Variants in GNE observed in about 807,000 individuals in gnomAD.
The protein encoded by GNE is bifunctional UDP-N-acetylglucosamine 2-epimerase/N-acetylmannosamine kinase.
Under a neutral mutation model 61.8 loss-of-function variants are expected in GNE, and 41 were observed. That is an observed-to-expected ratio of 0.66 (90% CI 0.52 to 0.86). GNE has a LOEUF of 0.86. GNE is among the 40% of genes least tolerant of loss of function. GNE has a pLI of 0.00. For missense variants in GNE, 608 were observed against 909.1 expected (o/e 0.67, Z 4.26); for synonymous variants, 264 against 326.4 (o/e 0.81, Z 2.06).
At chr9:36,252,313 A>C (rs893197710) in intron 1 of GNE, among the ~76,000 whole-genome samples, 1 of 152,178 alleles carries the variant, frequency 6.6e-6, no homozygotes, top group African/African-American at 2.4e-5. Flanking sequence ...AGAGACAAAA[A>C]TATTCTTCCA....
intron 1 of GNE, among the ~76,000 whole-genome samples, chr9:36,268,432 G>A (rs1451618235): frequency 6.6e-6 from 1 of 152,150 alleles, no homozygotes; most frequent in Non-Finnish European, 1.5e-5. Flanking sequence ...TTAGGAGGCT[G>A]AGTCGGGTGG....
chr9:36,270,437 C>T (rs1167538313), intron 1 of GNE, among the ~76,000 whole-genome samples: 1 of 151,828 alleles, frequency 6.6e-6, no homozygotes, highest in Non-Finnish European at 1.5e-5. Context: ...CATCAAAGCC[C>T]ACTATTAACC....
In GNE at chr9:36,246,224, G is replaced by A. The variant is rs1483891411; in HGVS notation, c.423C>T (p.Thr141=). ...LHIEGGEVSG[T]IDDSIRHAIT... ...TGGCATGTCTGATAGAGTCATCAATGGTCCCACTGACTTCCCCACCTTCAA... is the reference window on the plus strand; with the variant it reads ...TGGCATGTCTGATAGAGTCATCAATAGTCCCACTGACTTCCCCACCTTCAA... Residue 141 remains threonine, a synonymous_variant, in exon 3 of 12, where the codon ACC becomes ACT. Transcript: ENST00000642385. 6.2e-7 allele frequency: 1 copy of A among 1,614,172 alleles called. No individual in the cohort carries two copies. The highest frequency in any genetic ancestry group is 1.1e-5 in the South Asian group (1 of 91,082).
At chr9:36,228,545 C>A (rs988028384) in intron 6 of GNE, among the ~76,000 whole-genome samples, 2 of 151,996 alleles carry the variant, frequency 1.3e-5, no homozygotes, top group Non-Finnish European at 2.9e-5. Flanking sequence ...GTAATCCCAG[C>A]GCTTTGGGAG....
At chr9:36,255,058 C>T (rs1001162144) in intron 1 of GNE, among the ~76,000 whole-genome samples, 6 of 152,176 alleles carry the variant, frequency 3.9e-5, no homozygotes, top group African/African-American at 1.4e-4. Context: ...TCAGTTTACT[C>T]ATATGGCCAG....
Position 36,217,349 on chromosome 9 carries a change from G to T in GNE, c.*16C>A. ...CAGGAGCTCTGGAGAGAAGGTCCATGTCTGTTCCTGGAGGTCTAGTAGATC... is the reference window on the plus strand; with the variant it reads ...CAGGAGCTCTGGAGAGAAGGTCCATTTCTGTTCCTGGAGGTCTAGTAGATC... On this transcript the variant is annotated 3_prime_UTR_variant, in exon 12 of 12. Coordinates refer to ENST00000642385, the MANE Select transcript of GNE (RefSeq NM_005476.7). 6.5e-7 allele frequency: 1 copy of T among 1,535,484 alleles called. No homozygotes were observed. The highest frequency in any genetic ancestry group is 9.0e-7 in the Non-Finnish European group (1 of 1,109,380).
intron 1 of GNE, among the ~76,000 whole-genome samples, chr9:36,271,212 A>G (rs1831017394): frequency 6.6e-6 from 1 of 152,148 alleles, no homozygotes; most frequent in African/African-American, 2.4e-5. Context: ...CTACCTTTGT[A>G]TCATTCCTCA....
rs547460309 is a variant in GNE, at chr9:36,269,850, C to T, written c.51+7044G>A. Among the ~76,000 whole-genome samples the T allele has an allele frequency of 1.7e-3, 252 of 152,068 alleles. 1 individual carries two copies. The highest frequency in any genetic ancestry group is 5.5e-3 in the African/African-American group (230 of 41,510). On this transcript the variant is annotated intron_variant, in intron 1 of 11. Transcript: ENST00000396594. ...CTAATTTTTGTATTTTTAGTAGAGA[C>T]GGGGTTTCACCATATTGGCCAGGCT...
chr9:36,241,811 T>C, intron 3 of GNE, among the ~76,000 whole-genome samples: 1 of 152,100 alleles, frequency 6.6e-6, no homozygotes, highest in East Asian at 1.9e-4. Flanking sequence ...CCCAACCCTA[T>C]CTTCCTGTAA....
At position 36,222,812 on chromosome 9, in the gene GNE, C is replaced by G. The variant is rs201808007; in HGVS notation, c.1598G>C (p.Gly533Ala). Residue 533 changes from glycine (G) to alanine (A), a missense_variant, in exon 9 of 12, where the codon GGA (glycine) becomes GCA (alanine). Gly to Ala is a moderately conservative substitution (Grantham distance 60, BLOSUM62 0). Transcript: ENST00000642385. ...GATAAGTGTAACAAAGTTTTCCAGT[C>G]CCTTTCCTTGGCCAAATTTCCTTTC... Reference protein sequence around the residue: ...LAERKFGQGKGLENFVTLITG... With the variant: ...LAERKFGQGKALENFVTLITG... 6.2e-7 allele frequency: 1 copy of G among 1,614,122 alleles called. No homozygotes were observed. The highest frequency in any genetic ancestry group is 1.1e-5 in the South Asian group (1 of 91,084).
At position 36,254,252 on chromosome 9, in the gene GNE, C is replaced by T. The variant is rs141897950; in HGVS notation, c.-43+4069G>A. On this transcript the variant is annotated intron_variant, in intron 1 of 11. Coordinates refer to ENST00000642385, the MANE Select transcript of GNE (RefSeq NM_005476.7). ...AATAAAAACAAGAAATCTGGCTGGA[C>T]ATGGTGGCTCATGCCTGTAATCCCA... 2.0e-3 allele frequency among the ~76,000 whole-genome samples: 298 copies of T among 150,262 alleles called. 1 individual carries two copies. The highest frequency in any genetic ancestry group is 6.9e-3 in the African/African-American group (277 of 40,286).
At chr9:36,231,476 G>C (rs190083852) in intron 5 of GNE, among the ~76,000 whole-genome samples, 3 of 152,188 alleles carry the variant, frequency 2.0e-5, no homozygotes, top group Admixed American at 2.0e-4. Flanking sequence ...AAACAAAAAA[G>C]ACTATATTCT....
At chr9:36,232,080 C>A (rs1829180889) in intron 5 of GNE, among the ~76,000 whole-genome samples, 1 of 152,146 alleles carries the variant, frequency 6.6e-6, no homozygotes, top group South Asian at 2.1e-4. Flanking sequence ...TTCTCCAATT[C>A]TTCATAATTG....
In GNE at chr9:36,220,033, A is replaced by G. The variant is rs375600956; in HGVS notation, c.1634-13T>C. ...CCACCACCGATTCCTACAGCGAGGG[A>G]TAGAAATCACTGAGGGTGCTTTACC... On this transcript the variant is annotated splice_polypyrimidine_tract_variant and intron_variant, in intron 9 of 11. Coordinates refer to ENST00000642385, the MANE Select transcript of GNE (RefSeq NM_005476.7). The G allele has an allele frequency of 2.4e-5, 38 of 1,610,272 alleles. No individual in the cohort carries two copies. The highest frequency in any genetic ancestry group is 5.3e-5 in the African/African-American group (4 of 74,844).
chr9:36,230,223 G>A (rs1829078091), intron 5 of GNE, among the ~76,000 whole-genome samples: 2 of 152,176 alleles, frequency 1.3e-5, no homozygotes, highest in South Asian at 2.1e-4. Context: ...GATTACAGGC[G>A]TGAGCCACTG....
chr9:36,219,707 G>A (rs1017439436), intron 10 of GNE, 131 bp downstream of exon 10: 2 of 805,896 alleles, frequency 2.5e-6, no homozygotes, highest in Non-Finnish European at 4.2e-6. Flanking sequence ...GTGCGAGGGA[G>A]CCCTGCTCTT....
rs141773980 is a variant in GNE at position 36,264,108 on chromosome 9, A to G, written c.51+12786T>C. On this transcript the variant is annotated intron_variant, in intron 1 of 11. Coordinates refer to the GNE transcript ENST00000396594. ...GATTTTAATCTACATGTATCCTTAA[A>G]TCATCTTTTTATTTATTTATTTATT... Among the ~76,000 whole-genome samples, 13 of 152,100 alleles carry G rather than the reference A, an allele frequency of 8.5e-5. No homozygotes were observed. The East Asian group carries it at 2.3e-3, about 27-fold the overall frequency.
chr9:36,273,001 C>G (rs1392724708), intron 1 of GNE, among the ~76,000 whole-genome samples: 1 of 149,244 alleles, frequency 6.7e-6, no homozygotes, highest in Non-Finnish European at 1.5e-5. Flanking sequence ...AGGAGAATTG[C>G]TTGAGTGCAG....
intron 1 of GNE, among the ~76,000 whole-genome samples, chr9:36,256,510 G>T (rs1435331943): frequency 1.3e-5 from 2 of 152,116 alleles, no homozygotes. Flanking sequence ...CTCCCAAAGT[G>T]CTGGGATTAC....
Sources: gnomAD v4.1 joint callset for allele counts (sites outside exome capture counted in the v4.1 genomes callset) on GRCh38, gnomAD v4.1.1 for gene constraint, MANE v1.5 for transcripts, NCBI Gene and HGNC (gene_info 2026-07-23, HGNC 2026-07-21) for gene names.